Variants in TMEM220 observed in about 807,000 individuals in gnomAD.
TMEM220 encodes transmembrane protein 220.
A neutral mutation model predicts 21.7 loss-of-function variants in TMEM220; 21 were observed. That is an observed-to-expected ratio of 0.97 (90% CI 0.69 to 1.39). The LOEUF is 1.39. Among genes scored for constraint, TMEM220 ranks in the 40% most tolerant of loss-of-function variants. The pLI is 0.00. For missense variants in TMEM220, 191 were observed against 201.9 expected, an observed-to-expected ratio of 0.95 and a Z score of 0.33; for synonymous variants, 80 against 73.6, an observed-to-expected ratio of 1.09 and a Z score of -0.45.
chr17:10,715,752 T>C (rs1197798805), intron 5 of TMEM220, among the ~76,000 whole-genome samples, 164 bp from the exon 6 acceptor site: 3 of 152,186 alleles, frequency 2.0e-5, no homozygotes, highest in Non-Finnish European at 4.4e-5. Context: ...ATATATATGC[T>C]AAATATAAAT....
intron 5 of TMEM220, among the ~76,000 whole-genome samples, chr17:10,717,890 G>A (rs527766167): frequency 2.6e-5 from 4 of 151,536 alleles, no homozygotes; most frequent in Admixed American, 6.6e-5. Flanking sequence ...GTGTGATGTC[G>A]GCTCATCGCA....
chr17:10,721,815 T>G (rs1312451337), intron 5 of TMEM220, among the ~76,000 whole-genome samples: 1 of 151,978 alleles, frequency 6.6e-6, no homozygotes, highest in African/African-American at 2.4e-5. Flanking sequence ...TTAAAAATAT[T>G]CACAAAAAGT....
downstream of TMEM220, among the ~76,000 whole-genome samples, chr17:10,713,021 A>G (rs2074865400): frequency 2.0e-5 from 3 of 152,192 alleles, no homozygotes; most frequent in South Asian, 6.2e-4. Context: ...CTATAATCCC[A>G]GCACTTTGGG....
intron 3 of TMEM220, among the ~76,000 whole-genome samples, 179 bp downstream of exon 3, chr17:10,726,025 C>T (rs917976860): frequency 3.3e-5 from 5 of 152,194 alleles, no homozygotes; most frequent in African/African-American, 9.6e-5. Context: ...TATAGCAGAT[C>T]CTTCTGACGT....
chr17:10,719,152 C>A (rs2074957462), intron 5 of TMEM220, among the ~76,000 whole-genome samples: 1 of 116,050 alleles, frequency 8.6e-6, no homozygotes, highest in Non-Finnish European at 1.8e-5. Context: ...CTTCCTTTGG[C>A]ATCTTGAATC....
At chr17:10,711,738 C>G (rs921567820), downstream of TMEM220, among the ~76,000 whole-genome samples, 10 of 152,344 alleles carry the variant, frequency 6.6e-5, no homozygotes, top group African/African-American at 2.4e-4. Context: ...GCCACCTGGC[C>G]TGGTCTGTTT....
Position 10,729,828 on chromosome 17 carries a change from G to A in TMEM220, c.24C>T (p.Ala8=). ...AGAAGGCGGCCATGAGTCCGTTGCAGGCCCGCCACAGCGCTGGCGCCATGG... is the reference window on the plus strand; with the variant it reads ...AGAAGGCGGCCATGAGTCCGTTGCAAGCCCGCCACAGCGCTGGCGCCATGG... MAPALWR[A]CNGLMAAFFA... is the part of the protein sequence containing the mutation. The change falls in exon 1 of 6, where the codon GCC becomes GCT. Residue 8 remains alanine, a synonymous_variant. Transcript: ENST00000341871. The A allele has an allele frequency of 7.2e-7, 1 of 1,394,716 alleles. No homozygotes were observed. The highest frequency in any genetic ancestry group is 9.4e-7 in the Non-Finnish European group (1 of 1,065,644). 86.4% of individuals were successfully genotyped at this position (1,394,716 alleles called of 1,614,324 possible). A position where few individuals can be genotyped will look rare whatever the true frequency, so the allele number is the denominator to read the frequency against.
chr17:10,729,871 G>T lies in TMEM220; in HGVS notation c.-20C>A. Reference sequence around the variant, plus strand: ...CGCCATGGCTCGGAGAACACGGCGCGGGGCGGTGAGTCCTGCCACGTGCGG... The same window carrying T: ...CGCCATGGCTCGGAGAACACGGCGCTGGGCGGTGAGTCCTGCCACGTGCGG... On this transcript the variant is annotated 5_prime_UTR_variant, in exon 1 of 6. Transcript: ENST00000341871. 1 of 1,292,470 alleles carries T rather than the reference G, an allele frequency of 7.7e-7. No homozygotes were observed. The highest frequency in any genetic ancestry group is 9.8e-7 in the Non-Finnish European group (1 of 1,022,786). The allele number at this position is 1,292,470 out of a possible 1,614,324, so 80.1% of individuals were successfully genotyped here.
At chr17:10,712,152 C>A (rs369167), downstream of TMEM220, among the ~76,000 whole-genome samples, 141 of 152,106 alleles carry the variant, frequency 9.3e-4, 1 homozygote, top group East Asian at 0.022. Flanking sequence ...GGGTCTAGGA[C>A]GAATCCTTTT....
intron 5 of TMEM220, among the ~76,000 whole-genome samples, chr17:10,719,621 C>T (rs999066316): frequency 1.3e-5 from 2 of 152,128 alleles, no homozygotes; most frequent in Non-Finnish European, 2.9e-5. Context: ...TGGAACCATA[C>T]AGGTATTAGA....
chr17:10,716,559 C>A, intron 5 of TMEM220: 1 of 582,260 alleles, frequency 1.7e-6, no homozygotes, highest in Admixed American at 2.0e-5. Flanking sequence ...GAAAGCTGCA[C>A]CACCGCGGTC....
chr17:10,729,743 A>G, intron 1 of TMEM220, 37 bp downstream of exon 1: 1 of 1,327,702 alleles, frequency 7.5e-7, no homozygotes, highest in Non-Finnish European at 9.7e-7. Context: ...CGGAGCTGGG[A>G]GCCGGGCGGG....
Position 10,713,312 on chromosome 17 carries a change from TTAA to T in TMEM220, c.*2138_*2140del, listed in dbSNP as rs1345232610. On this transcript the variant is annotated 3_prime_UTR_variant, in exon 6 of 6. Transcript: ENST00000341871. ...GATTTTAATAATAGAAATATTAAAT[TTAA>T]TAATAATACTTAAATTCAATTTCAT... The T allele has an allele frequency of 2.7e-4, 41 of 151,722 alleles. 1 individual carries two copies. The highest frequency in any genetic ancestry group is 8.9e-4 in the African/African-American group (37 of 41,496). 9.4% of individuals were successfully genotyped at this position (151,722 alleles called of 1,614,324 possible).
In TMEM220 at chr17:10,716,253, C is replaced by T. The variant is rs2074919186; in HGVS notation, c.348-665G>A. The T allele has an allele frequency of 6.4e-6, 5 of 783,940 alleles. No individual in the cohort carries two copies. The Admixed American group carries it at 7.3e-5, about 11-fold the overall frequency. 48.6% of individuals were successfully genotyped at this position (783,940 alleles called of 1,614,324 possible). On this transcript the variant is annotated intron_variant, in intron 5 of 5. Transcript: ENST00000341871. ...GTTCATCTCCAATAATGATTTCAAG[C>T]TCCTGCCGGCCCTCTCGGTTGGGAG...
chr17:10,716,172 C>T (rs1240181764), intron 5 of TMEM220: 1 of 894,388 alleles, frequency 1.1e-6, no homozygotes, highest in Non-Finnish European at 1.8e-6. Flanking sequence ...CTTCTGGATC[C>T]TTGGATTGAC....
rs1301812920 is a variant in TMEM220 at position 10,729,895 on chromosome 17, G to T, written c.-44C>A. On this transcript the variant is annotated 5_prime_UTR_variant, in exon 1 of 6. Coordinates refer to ENST00000341871, the MANE Select transcript of TMEM220 (RefSeq NM_001004313.3). ...CGGGGCGGTGAGTCCTGCCACGTGCGGGGCGGTGAGTCCTGCCACGTACGG... is the reference window on the plus strand; with the variant it reads ...CGGGGCGGTGAGTCCTGCCACGTGCTGGGCGGTGAGTCCTGCCACGTACGG... 1 of 1,283,310 alleles carries T rather than the reference G, an allele frequency of 7.8e-7. No homozygotes were observed. The allele number at this position is 1,283,310 out of a possible 1,614,324, so 79.5% of individuals were successfully genotyped here. A position where few individuals can be genotyped will look rare whatever the true frequency, so the allele number is the denominator to read the frequency against.
chr17:10,722,655 T>C (rs1275803495), intron 5 of TMEM220, among the ~76,000 whole-genome samples: 3 of 152,228 alleles, frequency 2.0e-5, no homozygotes, highest in African/African-American at 7.2e-5. Context: ...CTATCCTGTA[T>C]ATGTTTAATT....
In TMEM220 at chr17:10,726,196, G is replaced by T. The variant is rs756446237; in HGVS notation, c.163+8C>A. On this transcript the variant is annotated splice_region_variant and intron_variant, in intron 3 of 5. Transcript: ENST00000341871. ...GCTGTCTCTCCATTTAGAATGCAAG[G>T]CTTATACCTGTGACTTCAGGGTTAA... is the stretch of plus-strand genomic sequence containing the variant. 1.9e-6 allele frequency: 3 copies of T among 1,611,350 alleles called. No individual in the cohort carries two copies. In the African/African-American group the frequency reaches 4.0e-5, roughly 22 times the overall value.
At position 10,726,187 on chromosome 17, in the gene TMEM220, G is replaced by C. The variant is rs765944591; in HGVS notation, c.163+17C>G. ...ATCTGATTTGCTGTCTCTCCATTTA[G>C]AATGCAAGGCTTATACCTGTGACTT... On this transcript the variant is annotated intron_variant, in intron 3 of 5. Coordinates refer to ENST00000341871, the MANE Select transcript of TMEM220 (RefSeq NM_001004313.3). 1.9e-6 allele frequency: 3 copies of C among 1,608,632 alleles called. No individual in the cohort carries two copies. In the Admixed American group the frequency reaches 5.0e-5, roughly 27 times the overall value.
Sources: gnomAD v4.1 joint callset for allele counts (sites outside exome capture counted in the v4.1 genomes callset) on GRCh38, gnomAD v4.1.1 for gene constraint, MANE v1.5 for transcripts, NCBI Gene and HGNC (gene_info 2026-07-23, HGNC 2026-07-21) for gene names.